The following SLC30A6 variants were observed in gnomAD, a reference collection of about 807,000 sequenced individuals.
SLC30A6 encodes the protein solute carrier family 30 member 6.
A neutral mutation model predicts 63.0 loss-of-function variants in SLC30A6; 55 were observed. The observed-to-expected ratio is 0.87, with a 90% confidence interval of 0.70 to 1.09. SLC30A6 has a LOEUF of 1.09. Among genes scored for constraint, SLC30A6 ranks in the 50% least tolerant of loss-of-function variants. The pLI, the probability that SLC30A6 is intolerant of heterozygous loss-of-function variation, is 0.00. For missense variants in SLC30A6, 587 were observed against 549.2 expected, an observed-to-expected ratio of 1.07 and a Z score of -0.69; for synonymous variants, 224 against 186.1, an observed-to-expected ratio of 1.20 and a Z score of -1.66.
chr2:32,201,356 C>T (rs553402404), intron 10 of SLC30A6, among the ~76,000 whole-genome samples: 57 of 152,286 alleles, frequency 3.7e-4, no homozygotes, highest in African/African-American at 1.4e-3. Flanking sequence ...ATAAAAAATT[C>T]CTGGAGAATC....
chr2:32,207,295 C>T (rs1482361842), intron 12 of SLC30A6, among the ~76,000 whole-genome samples: 2 of 152,064 alleles, frequency 1.3e-5, no homozygotes, highest in Non-Finnish European at 2.9e-5. Flanking sequence ...ACTGCAACCT[C>T]CACCTCCCAG....
At chr2:32,210,097 G>A (rs937875007) in intron 13 of SLC30A6, among the ~76,000 whole-genome samples, 1 of 152,010 alleles carries the variant, frequency 6.6e-6, no homozygotes, top group African/African-American at 2.4e-5. Flanking sequence ...ATTATGACAC[G>A]GTTTTACTCG....
At position 32,224,368 on chromosome 2, in the gene SLC30A6, T is replaced by C. The variant is rs1686306044; in HGVS notation, c.*3655T>C. The C allele has an allele frequency of 1.3e-6, 1 of 772,454 alleles. No individual in the cohort carries two copies. Among genetic ancestry groups the C allele is most frequent in the African/African-American group, 1.8e-5 (1 of 56,846 alleles). 47.8% of individuals were successfully genotyped at this position (772,454 alleles called of 1,614,324 possible). ...TTTTAATCATCAAATTAAACTTCTT[T>C]CCACGTCCTTATCTTCTTTGGCATC... On this transcript the variant is annotated 3_prime_UTR_variant, in exon 14 of 14. Coordinates refer to ENST00000282587, the MANE Select transcript of SLC30A6 (RefSeq NM_017964.5).
chr2:32,169,729 A>G (rs1230378646), intron 1 of SLC30A6, among the ~76,000 whole-genome samples: 1 of 152,166 alleles, frequency 6.6e-6, no homozygotes, highest in South Asian at 2.1e-4. Flanking sequence ...TGTAGCCTAT[A>G]TTTAAAATCA....
At chr2:32,181,776 G>T (rs1682335962) in intron 4 of SLC30A6, among the ~76,000 whole-genome samples, 1 of 152,044 alleles carries the variant, frequency 6.6e-6, no homozygotes, top group Admixed American at 6.6e-5. Context: ...GCTGAGGTGG[G>T]AGAATCGCTT....
chr2:32,216,581 ATAAT>A lies in SLC30A6; in HGVS notation c.886-3631_886-3628del, dbSNP rs1463916718. Among the ~76,000 whole-genome samples, 8 of 142,824 alleles carry A rather than the reference ATAAT, an allele frequency of 5.6e-5. No homozygotes were observed. The East Asian group carries it at 6.1e-4, about 11-fold the overall frequency. The allele number at this position is 142,824 out of a possible 152,430, so 93.7% of individuals were successfully genotyped here. A position where few individuals can be genotyped will look rare whatever the true frequency, so the allele number is the denominator to read the frequency against. On this transcript the variant is annotated intron_variant, in intron 13 of 13. Transcript: ENST00000282587. ...AATAAATAAATAAATAAATAAATAAATAATAATAATGATAGTAGCCATTCTGAGT... is the reference window on the plus strand; with the variant it reads ...AATAAATAAATAAATAAATAAATAAAAATAATGATAGTAGCCATTCTGAGT...
rs1686272482 is a variant in SLC30A6, at chr2:32,223,838, G to C, written c.*3125G>C. 1 of 152,060 alleles carries C rather than the reference G, an allele frequency of 6.6e-6. No homozygotes were observed. The highest frequency in any genetic ancestry group is 2.1e-4 in the South Asian group (1 of 4,832). The allele number at this position is 152,060 out of a possible 1,614,324, so 9.4% of individuals were successfully genotyped here. On this transcript the variant is annotated 3_prime_UTR_variant, in exon 14 of 14. Transcript: ENST00000282587. Reference sequence around the variant, plus strand: ...GCAGGGTACCCTTAGTTTATATAGGGTACAAAAGAATGGGAAACATCTTCC... The same window carrying C: ...GCAGGGTACCCTTAGTTTATATAGGCTACAAAAGAATGGGAAACATCTTCC...
intron 7 of SLC30A6, among the ~76,000 whole-genome samples, chr2:32,193,340 T>A (rs1043290846): frequency 6.6e-6 from 1 of 152,002 alleles, no homozygotes; most frequent in South Asian, 2.1e-4. Context: ...TTTGGGAGGC[T>A]AAGGCAGGAG....
At chr2:32,192,294 A>G in intron 5 of SLC30A6, 42 bp from the exon 6 acceptor site, 1 of 1,568,244 alleles carries the variant, frequency 6.4e-7, no homozygotes, top group Non-Finnish European at 8.8e-7. Context: ...TGGTTTGTGA[A>G]TTGAAAGAAT....
Position 32,220,443 on chromosome 2 carries a change from A to G in SLC30A6, c.1116A>G (p.Pro372=). The change falls in exon 14 of 14, where the codon CCA becomes CCG. Residue 372 remains proline (P), a synonymous_variant. Coordinates refer to ENST00000282587, the MANE Select transcript of SLC30A6 (RefSeq NM_017964.5). ...PLLKGTDDLN[P]VTSTPAKPSS... ...TAAAGGGTACTGATGATTTGAACCCAGTTACATCAACTCCAGCTAAACCTA... is the reference window on the plus strand; with the variant it reads ...TAAAGGGTACTGATGATTTGAACCCGGTTACATCAACTCCAGCTAAACCTA... 6.2e-7 allele frequency: 1 copy of G among 1,614,232 alleles called. No homozygotes were observed. The highest frequency in any genetic ancestry group is 8.5e-7 in the Non-Finnish European group (1 of 1,180,038).
chr2:32,204,007 A>T, intron 10 of SLC30A6: 2 of 691,608 alleles, frequency 2.9e-6, no homozygotes, highest in Non-Finnish European at 5.1e-6. Flanking sequence ...TGACTATTTG[A>T]TAGTTAATCT....
In SLC30A6 at chr2:32,206,905, T is replaced by C. The variant is rs751134791; in HGVS notation, c.788T>C (p.Ile263Thr). The stretch of plus-strand genomic sequence containing the variant: ...CCCCAGACAACACCACCCCATGTTA[T>C]TGGTCAGTTGGACAAACTCATCAGA... The part of the protein sequence containing the change: ...VLLQTTPPHV[I>T]GQLDKLIREV... Residue 263 changes from isoleucine (I) to threonine (T), a missense_variant, in exon 12 of 14, where the codon ATT (isoleucine) becomes ACT (threonine). Physicochemically the swap from Ile to Thr is moderately conservative, Grantham distance 89 (BLOSUM62 -1). Transcript: ENST00000282587. The C allele has an allele frequency of 3.1e-6, 5 of 1,611,282 alleles. No homozygotes were observed. The highest frequency in any genetic ancestry group is 2.7e-5 in the African/African-American group (2 of 74,878).
chr2:32,170,164 C>T (rs563880814), intron 1 of SLC30A6, among the ~76,000 whole-genome samples: 23 of 152,188 alleles, frequency 1.5e-4, no homozygotes, highest in Admixed American at 3.3e-4. Flanking sequence ...AAGGCTTCCC[C>T]CAACTCCCAG....
intron 13 of SLC30A6, among the ~76,000 whole-genome samples, chr2:32,210,734 CCA>C (rs2148897154): frequency 6.6e-6 from 1 of 151,812 alleles, no homozygotes; most frequent in South Asian, 2.1e-4. Context: ...ATGATATTAC[CCA>C]CTTTGCAGTC....
chr2:32,192,775 T>G (rs1036315024), intron 6 of SLC30A6, 143 bp from the exon 7 acceptor site: 1 of 523,734 alleles, frequency 1.9e-6, no homozygotes, highest in African/African-American at 2.0e-5. Context: ...TTTATGAGTC[T>G]CCTTGCCTCA....
chr2:32,206,794 C>G, intron 11 of SLC30A6, 92 bp from the exon 12 acceptor site: 1 of 987,992 alleles, frequency 1.0e-6, no homozygotes, highest in South Asian at 1.3e-5. Context: ...CAAAGGCTGG[C>G]TTAAAATCCT....
At chr2:32,169,661 C>T (rs1245607333) in intron 1 of SLC30A6, among the ~76,000 whole-genome samples, 1 of 152,146 alleles carries the variant, frequency 6.6e-6, no homozygotes, top group African/African-American at 2.4e-5. Context: ...TACCTGTAGT[C>T]CCAGCTACTC....
rs549991317 is a variant in SLC30A6 at position 32,166,534 on chromosome 2, T to C, written c.3+631T>C. Among the ~76,000 whole-genome samples, 6 of 152,376 alleles carry C rather than the reference T, an allele frequency of 3.9e-5. No individual in the cohort carries two copies. The South Asian group carries it at 1.0e-3, about 26-fold the overall frequency. ...GGTTGTTGGGATATGGTGTTTTCTC[T>C]CAAATTTGTTAGAATTAGTCATTCT... On this transcript the variant is annotated intron_variant, in intron 1 of 13. Coordinates refer to ENST00000282587, the MANE Select transcript of SLC30A6 (RefSeq NM_017964.5).
At chr2:32,171,713 A>G (rs565275489) in intron 2 of SLC30A6, among the ~76,000 whole-genome samples, 9 of 148,486 alleles carry the variant, frequency 6.1e-5, no homozygotes, top group African/African-American at 1.2e-4. Context: ...TTTTTTTGAG[A>G]TGAAGTTACA....
Sources: allele counts gnomAD v4.1 joint callset (sites outside exome capture counted in the v4.1 genomes callset), GRCh38; gene constraint gnomAD v4.1.1; transcripts MANE v1.5; gene names NCBI Gene and HGNC (gene_info 2026-07-23, HGNC 2026-07-21).